LRP1B: variants seen among roughly 807,000 people sequenced by gnomAD.
The protein encoded by LRP1B is low-density lipoprotein receptor-related protein 1B.
LRP1B carries 217 observed loss-of-function variants against 556.6 expected under a neutral mutation model. That is an observed-to-expected ratio of 0.39 (90% CI 0.35 to 0.44). The LOEUF is 0.44. Among genes scored for constraint, LRP1B ranks in the 20% least tolerant of loss-of-function variants. The pLI, the probability that LRP1B is intolerant of heterozygous loss-of-function variation, is 1.00. For synonymous variants in LRP1B, 2,047 were observed against 1,865.8 expected (o/e 1.10, Z -2.50); for missense variants, 5,053 against 5,620.8 (o/e 0.90, Z 3.23).
At chr2:141,131,412 T>TATATATATATATATATATATATATATAC (rs1701352119) in intron 7 of LRP1B, among the ~76,000 whole-genome samples, 1 of 142,572 alleles carries the variant, frequency 7.0e-6, no homozygotes, top group Non-Finnish European at 1.5e-5. Context: ...TAAAGTTATA[T>TATATATATATATATATATATATATATAC]ATATATATAT....
At chr2:140,618,221 T>A (rs1043394411) in intron 41 of LRP1B, among the ~76,000 whole-genome samples, 4 of 151,432 alleles carry the variant, frequency 2.6e-5, no homozygotes, top group African/African-American at 9.7e-5. Context: ...GAAAATAAAT[T>A]AAGACAGAGA....
intron 7 of LRP1B, among the ~76,000 whole-genome samples, chr2:141,099,316 C>T (rs1027009858): frequency 6.6e-6 from 1 of 152,032 alleles, no homozygotes; most frequent in African/African-American, 2.4e-5. Context: ...GCAATTTAGA[C>T]CACCACGTTA....
chr2:142,000,375 C>T (rs1470949278), intron 1 of LRP1B, among the ~76,000 whole-genome samples: 1 of 152,210 alleles, frequency 6.6e-6, no homozygotes, highest in African/African-American at 2.4e-5. Flanking sequence ...TTGAGCCACA[C>T]TGGGCCAAAG....
At chr2:140,788,608 TA>T (rs889945515) in intron 32 of LRP1B, among the ~76,000 whole-genome samples, 2 of 152,188 alleles carry the variant, frequency 1.3e-5, no homozygotes, top group East Asian at 1.9e-4. Context: ...TTAAGAATGT[TA>T]AAAAAATTAA....
At chr2:140,377,522 T>G (rs1462347761) in intron 68 of LRP1B, among the ~76,000 whole-genome samples, 3 of 152,196 alleles carry the variant, frequency 2.0e-5, no homozygotes, top group African/African-American at 7.2e-5. Flanking sequence ...AATCATGTGT[T>G]GTTTATTATT....
chr2:140,242,232 T>G (rs1471953101), intron 87 of LRP1B, among the ~76,000 whole-genome samples: 1 of 151,174 alleles, frequency 6.6e-6, no homozygotes, highest in Non-Finnish European at 1.5e-5. Flanking sequence ...ATAGTTATCA[T>G]ACAGTATTAT....
At chr2:140,282,531 TG>T (rs1178285247) in intron 84 of LRP1B, among the ~76,000 whole-genome samples, 1 of 151,818 alleles carries the variant, frequency 6.6e-6, no homozygotes, top group Non-Finnish European at 1.5e-5. Context: ...TGAATATCTT[TG>T]CTGTTCTCTT....
At chr2:141,693,447 A>G (rs566198716) in intron 2 of LRP1B, among the ~76,000 whole-genome samples, 66 of 152,196 alleles carry the variant, frequency 4.3e-4, no homozygotes, top group Non-Finnish European at 7.8e-4. Flanking sequence ...GCATTATAAA[A>G]TCTAAAAATA....
chr2:142,016,062 G>T (rs1375689316), intron 1 of LRP1B, among the ~76,000 whole-genome samples: 1 of 146,178 alleles, frequency 6.8e-6, no homozygotes. Flanking sequence ...CATTTATGTG[G>T]CTAACAAACA....
intron 35 of LRP1B, among the ~76,000 whole-genome samples, chr2:140,761,155 C>T (rs1363613089): frequency 1.3e-5 from 2 of 152,182 alleles, no homozygotes; most frequent in African/African-American, 4.8e-5. Context: ...CTACTATTAA[C>T]TGGAGGCAAA....
intron 49 of LRP1B, among the ~76,000 whole-genome samples, chr2:140,521,796 C>T (rs1225228329): frequency 6.6e-6 from 1 of 151,980 alleles, no homozygotes; most frequent in African/African-American, 2.4e-5. Flanking sequence ...CATAATGACA[C>T]CCATAGGCTC....
intron 84 of LRP1B, 101 bp downstream of exon 84, chr2:140,297,707 T>G: frequency 7.6e-7 from 1 of 1,316,406 alleles, no homozygotes; most frequent in South Asian, 1.5e-5. Context: ...ACCTGAAAAA[T>G]AGAGGATGGC....
intron 2 of LRP1B, among the ~76,000 whole-genome samples, chr2:141,534,052 A>G (rs1252582718): frequency 6.6e-6 from 1 of 151,140 alleles, no homozygotes; most frequent in African/African-American, 2.4e-5. Flanking sequence ...AGAGAAAGAG[A>G]GTGTGAGAGA....
intron 2 of LRP1B, among the ~76,000 whole-genome samples, chr2:141,757,086 C>T (rs555474689): frequency 3.9e-5 from 6 of 152,140 alleles, no homozygotes; most frequent in African/African-American, 7.2e-5. Context: ...ATTTTCTAGC[C>T]TTGATTTTAT....
intron 31 of LRP1B, among the ~76,000 whole-genome samples, chr2:140,819,788 C>T (rs1573761476): frequency 1.3e-5 from 2 of 152,190 alleles, no homozygotes; most frequent in African/African-American, 4.8e-5. Flanking sequence ...GCAGTGAGAA[C>T]ACTAAATGCC....
At chr2:141,045,841 A>G (rs1206181947) in intron 11 of LRP1B, among the ~76,000 whole-genome samples, 1 of 152,186 alleles carries the variant, frequency 6.6e-6, no homozygotes, top group Non-Finnish European at 1.5e-5. Context: ...AATTTTGACA[A>G]AGATTCCAGG....
chr2:141,844,703 ATAT>A (rs1697585184), intron 1 of LRP1B, among the ~76,000 whole-genome samples: 1 of 152,092 alleles, frequency 6.6e-6, no homozygotes, highest in African/African-American at 2.4e-5. Flanking sequence ...GTGTTCAAAT[ATAT>A]CAGTTCAGAT....
chr2:141,486,009 A>G (rs73963306), intron 2 of LRP1B, among the ~76,000 whole-genome samples: 5,028 of 152,192 alleles, frequency 0.033, 275 homozygotes, highest in African/African-American at 0.11. Flanking sequence ...GACAAATTTC[A>G]AAATTGTACC....
intron 2 of LRP1B, among the ~76,000 whole-genome samples, chr2:141,489,501 A>C (rs1211539608): frequency 6.6e-6 from 1 of 152,006 alleles, no homozygotes; most frequent in Non-Finnish European, 1.5e-5. Context: ...GACTATCAAG[A>C]ATGTGAACAA....
Sources: gnomAD v4.1 joint callset for allele counts (sites outside exome capture counted in the v4.1 genomes callset) on GRCh38, gnomAD v4.1.1 for gene constraint, MANE v1.5 for transcripts, NCBI Gene and HGNC (gene_info 2026-07-23, HGNC 2026-07-21) for gene names.